PLA1A: variants seen among roughly 807,000 people sequenced by gnomAD.
PLA1A encodes the protein phospholipase A1 member A, also known as phosphatidylserine-specific phospholipase A1alpha.
Under a neutral mutation model 49.4 loss-of-function variants are expected in PLA1A, and 47 were observed. The observed-to-expected ratio is 0.95, with a 90% CI of 0.75 to 1.21. The LOEUF is 1.21. PLA1A is among the 50% of genes most tolerant of loss of function. The probability of loss-of-function intolerance (pLI) is 0.00; values close to 1 mark genes in which losing one functional copy is unlikely to be tolerated. For synonymous variants in PLA1A, 224 were observed against 207.9 expected, an observed-to-expected ratio of 1.08 and a Z score of -0.67; for missense variants, 561 against 563.9, an observed-to-expected ratio of 0.99 and a Z score of 0.05.
chr3:119,625,474 TG>T (rs2052509912), intron 9 of PLA1A, among the ~76,000 whole-genome samples: 1 of 152,066 alleles, frequency 6.6e-6, no homozygotes, highest in Non-Finnish European at 1.5e-5. Context: ...GCAGCAGGGA[TG>T]GCATGTCCCA....
chr3:119,628,854 T>G lies in PLA1A; in HGVS notation c.1275T>G (p.Pro425=). 1 of 1,613,828 alleles carries G rather than the reference T, an allele frequency of 6.2e-7. No individual in the cohort carries two copies. Among genetic ancestry groups the G allele is most frequent in the Non-Finnish European group, 8.5e-7 (1 of 1,179,704 alleles). The change falls in exon 10 of 11, where the codon CCT becomes CCG. Residue 425 remains proline, a synonymous_variant. Coordinates refer to ENST00000273371, the MANE Select transcript of PLA1A (RefSeq NM_015900.4). The part of the protein sequence containing the change: ...IIGKFCTALL[P]VNDREKMVCL... ...GGAAGTTCTGCACTGCCCTTTTGCCTGTCAATGACAGGTAAGCCCCAGTAT... is the reference window on the plus strand; with the variant it reads ...GGAAGTTCTGCACTGCCCTTTTGCCGGTCAATGACAGGTAAGCCCCAGTAT...
At chr3:119,615,423 A>T (rs1281498292) in intron 5 of PLA1A, among the ~76,000 whole-genome samples, 2 of 152,260 alleles carry the variant, frequency 1.3e-5, no homozygotes, top group African/African-American at 4.8e-5. Context: ...CTACTCAATG[A>T]GGAAACTTAC....
At chr3:119,620,988 A>G (rs1038543926) in intron 8 of PLA1A, among the ~76,000 whole-genome samples, 9 of 152,174 alleles carry the variant, frequency 5.9e-5, no homozygotes, top group Non-Finnish European at 1.2e-4. Context: ...TCTTCTGAGA[A>G]CCTGCTGTCC....
At chr3:119,616,207 C>A in intron 6 of PLA1A, 106 bp downstream of exon 6, 3 of 730,396 alleles carry the variant, frequency 4.1e-6, no homozygotes, top group Non-Finnish European at 7.5e-6. Flanking sequence ...GTCTACTTGA[C>A]AGTGTCCTTT....
chr3:119,620,784 C>G (rs1253555624), intron 8 of PLA1A, among the ~76,000 whole-genome samples: 1 of 152,200 alleles, frequency 6.6e-6, no homozygotes, highest in Non-Finnish European at 1.5e-5. Flanking sequence ...AAGTGGACTA[C>G]AGAGTCAACT....
chr3:119,612,540 G>GT (rs1383866433), intron 4 of PLA1A, among the ~76,000 whole-genome samples: 1 of 151,898 alleles, frequency 6.6e-6, no homozygotes, highest in East Asian at 1.9e-4. Flanking sequence ...CCAGGCTGGA[G>GT]TGCAGTGGCG....
chr3:119,608,216 A>AAGAGAG (rs1284664763), intron 2 of PLA1A, among the ~76,000 whole-genome samples: 1 of 143,818 alleles, frequency 7.0e-6, no homozygotes, highest in Non-Finnish European at 1.5e-5. Flanking sequence ...GAAAGAAAGA[A>AAGAGAG]AGAAAGAAAG....
intron 1 of PLA1A, among the ~76,000 whole-genome samples, chr3:119,598,855 T>G (rs562446864): frequency 6.6e-6 from 1 of 152,318 alleles, no homozygotes; most frequent in South Asian, 2.1e-4. Context: ...TCAGCACCCC[T>G]CCCTGCTACA....
At chr3:119,598,119 G>T in intron 1 of PLA1A, 133 bp downstream of exon 1, 3 of 528,752 alleles carry the variant, frequency 5.7e-6, no homozygotes, top group Non-Finnish European at 6.7e-6. Flanking sequence ...ATTTAAAACA[G>T]TAGGGGAAAA....
intron 8 of PLA1A, among the ~76,000 whole-genome samples, chr3:119,624,823 G>A (rs1185115101): frequency 1.3e-5 from 2 of 152,148 alleles, no homozygotes; most frequent in African/African-American, 2.4e-5. Context: ...TAGAGATGGG[G>A]TTTCACCATG....
rs747816508 is a variant in PLA1A at position 119,625,251 on chromosome 3, T to C, written c.1121+19T>C. On this transcript the variant is annotated intron_variant, in intron 9 of 10. Transcript: ENST00000273371. ...TCACCATGTACGTAAGTGTCCCACCTGGTTGACTCCTCCCCTTAGGAGTTG... is the reference window on the plus strand; with the variant it reads ...TCACCATGTACGTAAGTGTCCCACCCGGTTGACTCCTCCCCTTAGGAGTTG... 5.5e-6 allele frequency: 8 copies of C among 1,467,072 alleles called. No individual in the cohort carries two copies. The highest frequency in any genetic ancestry group is 5.7e-6 in the Non-Finnish European group (6 of 1,046,272). The allele number at this position is 1,467,072 out of a possible 1,614,324, so 90.9% of individuals were successfully genotyped here.
intron 4 of PLA1A, among the ~76,000 whole-genome samples, chr3:119,611,023 G>T (rs1219070653): frequency 1.3e-5 from 2 of 152,058 alleles, no homozygotes; most frequent in Non-Finnish European, 2.9e-5. Flanking sequence ...TCATTCTCTT[G>T]CATATGGTCA....
At chr3:119,623,049 G>A (rs2082967079) in intron 8 of PLA1A, among the ~76,000 whole-genome samples, 1 of 152,096 alleles carries the variant, frequency 6.6e-6, no homozygotes, top group Non-Finnish European at 1.5e-5. Flanking sequence ...GGCTGGTCTC[G>A]AACTCCTGAC....
intron 1 of PLA1A, among the ~76,000 whole-genome samples, chr3:119,600,606 A>T (rs2082605842): frequency 6.6e-6 from 1 of 152,186 alleles, no homozygotes; most frequent in Non-Finnish European, 1.5e-5. Flanking sequence ...ACATTCAATA[A>T]GCCAAAAGCC....
intron 1 of PLA1A, chr3:119,600,164 G>A (rs2082598326): frequency 1.9e-6 from 1 of 530,216 alleles, no homozygotes; most frequent in African/African-American, 1.9e-5. Context: ...GTATCCAGGT[G>A]CCTGCTGTCA....
rs189129527 is a variant in PLA1A, at chr3:119,614,289, G to C, written c.664+1171G>C. On this transcript the variant is annotated intron_variant, in intron 5 of 10. Coordinates refer to ENST00000273371, the MANE Select transcript of PLA1A (RefSeq NM_015900.4). ...AGGCCTCTTCCTAGCTATGTTAGGTGAGTTAAGCTTGTTCATTTAAAAAGT... is the reference window on the plus strand; with the variant it reads ...AGGCCTCTTCCTAGCTATGTTAGGTCAGTTAAGCTTGTTCATTTAAAAAGT... Among the ~76,000 whole-genome samples the C allele has an allele frequency of 1.3e-4, 20 of 152,268 alleles. 3 individuals carry two copies. Among genetic ancestry groups the C allele is most frequent in the African/African-American group, 4.8e-4 (20 of 41,530 alleles).
At chr3:119,606,663 C>A in intron 1 of PLA1A, 111 bp from the exon 2 acceptor site, 1 of 707,122 alleles carries the variant, frequency 1.4e-6, no homozygotes, top group Non-Finnish European at 2.4e-6. Context: ...TATAATAAAC[C>A]CCATGCCTGC....
chr3:119,613,902 G>T (rs6783839), intron 5 of PLA1A, among the ~76,000 whole-genome samples: 31 of 149,016 alleles, frequency 2.1e-4, no homozygotes, highest in African/African-American at 6.1e-4. Context: ...CCAAAAAAAA[G>T]AAAAAAAGAA....
rs1560091031 is a variant in PLA1A, at chr3:119,629,499, T to TTTTA, written c.*34_*35insATTT. The TTTTA allele has an allele frequency of 4.5e-6, 2 of 448,578 alleles. No individual in the cohort carries two copies. Among genetic ancestry groups the TTTTA allele is most frequent in the Non-Finnish European group, 3.4e-6 (1 of 295,390 alleles). The allele number at this position is 448,578 out of a possible 1,614,324, so 27.8% of individuals were successfully genotyped here. A position where few individuals can be genotyped will look rare whatever the true frequency, so the allele number is the denominator to read the frequency against. On this transcript the variant is annotated 3_prime_UTR_variant, in exon 11 of 11. Transcript: ENST00000273371. The stretch of plus-strand genomic sequence containing the variant: ...CCTGGGCAGGACACATCTCCCTGCA[T>TTTTA]TTTTTTTTTTTTTTTGAGAGAGAGG...
Sources: gnomAD v4.1 joint callset for allele counts (sites outside exome capture counted in the v4.1 genomes callset) on GRCh38, gnomAD v4.1.1 for gene constraint, MANE v1.5 for transcripts, NCBI Gene and HGNC (gene_info 2026-07-23, HGNC 2026-07-21) for gene names.